Variants in ALDH1A2 observed in about 807,000 individuals in gnomAD.
ALDH1A2 encodes aldehyde dehydrogenase 1 family member A2.
A neutral mutation model predicts 60.3 loss-of-function variants in ALDH1A2; 27 were observed. The observed-to-expected ratio is 0.45, with a 90% CI of 0.33 to 0.62. ALDH1A2 has a LOEUF of 0.62. Ranked by LOEUF, ALDH1A2 falls within the 20% of genes least tolerant of loss-of-function variation. ALDH1A2 has a pLI of 0.02. For missense variants in ALDH1A2, 581 were observed against 643.8 expected (o/e 0.90, Z 1.06); for synonymous variants, 289 against 232.4 (o/e 1.24, Z -2.21).
chr15:58,034,243 G>A (rs891562675), intron 1 of ALDH1A2, among the ~76,000 whole-genome samples: 6 of 151,496 alleles, frequency 4.0e-5, no homozygotes, highest in African/African-American at 7.3e-5. Flanking sequence ...AAATGATACC[G>A]TGTTTTTAAT....
Position 58,014,266 on chromosome 15 carries a change from C to T in ALDH1A2, c.133G>A (p.Glu45Lys). ...CTCCCACTCTCTGAGTTCTGCCACT[C>T]GTTGTTTATAAAGATCTAAGGGAGT... ...IKYTKIFINN[E>K]WQNSESGRVF... The change falls in exon 2 of 13, where the codon GAG (glutamate) becomes AAG (lysine). Residue 45 changes from glutamate to lysine, a missense_variant. Glu to Lys is a moderately conservative substitution (Grantham distance 56). Around this residue, in one of 2 missense-constraint regions of ALDH1A2, gnomAD observed 206 missense variants for 174.1 expected, o/e 1.18. Coordinates refer to ENST00000249750, the MANE Select transcript of ALDH1A2 (RefSeq NM_003888.4). The T allele has an allele frequency of 1.2e-6, 2 of 1,613,844 alleles. No individual in the cohort carries two copies. The highest frequency in any genetic ancestry group is 1.1e-5 in the South Asian group (1 of 91,064).
intron 7 of ALDH1A2, among the ~76,000 whole-genome samples, chr15:57,967,536 G>T (rs894447943): frequency 6.6e-6 from 1 of 152,084 alleles, no homozygotes; most frequent in Non-Finnish European, 1.5e-5. Flanking sequence ...AAACACCGGG[G>T]AAACTCCAAC....
intron 1 of ALDH1A2, among the ~76,000 whole-genome samples, chr15:58,050,211 T>A (rs1896739953): frequency 1.3e-5 from 2 of 152,058 alleles, no homozygotes; most frequent in Non-Finnish European, 2.9e-5. Flanking sequence ...AAAAAAAGTC[T>A]TTCTACTGTG....
At chr15:58,059,998 T>G (rs148046371) in intron 1 of ALDH1A2, among the ~76,000 whole-genome samples, 1 of 152,160 alleles carries the variant, frequency 6.6e-6, no homozygotes, top group African/African-American at 2.4e-5. Context: ...TCTGAGCTTA[T>G]TGCAACCTCT....
chr15:58,010,992 C>T (rs560767710), intron 3 of ALDH1A2, among the ~76,000 whole-genome samples: 160 of 152,242 alleles, frequency 1.1e-3, no homozygotes, highest in Non-Finnish European at 1.8e-3. Context: ...TGTGCATATT[C>T]CTGTGCTTCC....
chr15:57,972,750 T>G (rs890182613), intron 7 of ALDH1A2, among the ~76,000 whole-genome samples: 2 of 152,204 alleles, frequency 1.3e-5, no homozygotes, highest in Non-Finnish European at 2.9e-5. Context: ...ATGAAACTGG[T>G]TTTTTCAATA....
At chr15:58,025,213 A>G (rs1182738335) in intron 1 of ALDH1A2, among the ~76,000 whole-genome samples, 2 of 152,188 alleles carry the variant, frequency 1.3e-5, no homozygotes, top group East Asian at 3.8e-4. Flanking sequence ...AACAGAGACT[A>G]AAAAGAATAC....
At chr15:58,041,915 C>A (rs11071364) in intron 1 of ALDH1A2, among the ~76,000 whole-genome samples, 1 of 151,668 alleles carries the variant, frequency 6.6e-6, no homozygotes, top group Non-Finnish European at 1.5e-5. Context: ...GAAGTGAACT[C>A]CAACACCATA....
chr15:58,037,236 T>C (rs1004997245), intron 1 of ALDH1A2, among the ~76,000 whole-genome samples: 18 of 151,374 alleles, frequency 1.2e-4, no homozygotes, highest in African/African-American at 4.4e-4. Flanking sequence ...GACAGAGTCA[T>C]AGAAAGAAGA....
At chr15:57,975,075 G>T (rs1308832779) in intron 7 of ALDH1A2, among the ~76,000 whole-genome samples, 2 of 152,212 alleles carry the variant, frequency 1.3e-5, no homozygotes, top group Non-Finnish European at 2.9e-5. Context: ...AAATGTTGGT[G>T]GGGATGTAAA....
At chr15:58,025,416 G>C (rs1054477061) in intron 1 of ALDH1A2, among the ~76,000 whole-genome samples, 17 of 152,154 alleles carry the variant, frequency 1.1e-4, no homozygotes, top group African/African-American at 4.1e-4. Context: ...ACCTAGGGGA[G>C]ATGGATACAT....
At chr15:57,977,419 A>G (rs1379593885) in intron 7 of ALDH1A2, among the ~76,000 whole-genome samples, 2 of 152,114 alleles carry the variant, frequency 1.3e-5, no homozygotes, top group Non-Finnish European at 2.9e-5. Context: ...TAATTTTTGT[A>G]TAAGGTGTAA....
intron 1 of ALDH1A2, chr15:58,058,031 G>T (rs1321317628): frequency 1.1e-5 from 17 of 1,517,684 alleles, no homozygotes; most frequent in Non-Finnish European, 1.4e-5. Flanking sequence ...TTTTATTGGG[G>T]ATTTTAACCA....
At chr15:58,008,641 T>G (rs1334775918) in intron 4 of ALDH1A2, among the ~76,000 whole-genome samples, 1 of 152,112 alleles carries the variant, frequency 6.6e-6, no homozygotes, top group Non-Finnish European at 1.5e-5. Context: ...GCTTTGTAAA[T>G]AGTTTGAAAA....
At chr15:58,053,758 A>G (rs1322666325) in intron 1 of ALDH1A2, among the ~76,000 whole-genome samples, 2 of 152,168 alleles carry the variant, frequency 1.3e-5, no homozygotes, top group Non-Finnish European at 2.9e-5. Context: ...TTTATGCTCA[A>G]TGTGCTGAAC....
In ALDH1A2 at chr15:58,043,304, T is replaced by C. The variant is rs1004108331; in HGVS notation, c.117+22230A>G. ...CTTCAGAAAGCTACTATCAATCTAA[T>C]GGAAGATGTCATTTGTTATTAAATC... On this transcript the variant is annotated intron_variant, in intron 1 of 12. Transcript: ENST00000249750. Among the ~76,000 whole-genome samples the C allele has an allele frequency of 3.3e-5, 5 of 152,034 alleles. No individual in the cohort carries two copies. The East Asian group carries it at 9.7e-4, about 29-fold the overall frequency.
chr15:57,962,509 T>G (rs541619657), intron 9 of ALDH1A2, among the ~76,000 whole-genome samples: 1 of 152,228 alleles, frequency 6.6e-6, no homozygotes, highest in Non-Finnish European at 1.5e-5. Flanking sequence ...GAAAATTGAC[T>G]TTTATAATTA....
At chr15:57,976,341 G>GT (rs1199501150) in intron 7 of ALDH1A2, among the ~76,000 whole-genome samples, 2 of 152,074 alleles carry the variant, frequency 1.3e-5, no homozygotes, top group African/African-American at 2.4e-5. Context: ...GAAAGTGGAG[G>GT]TTTTTTACAT....
At chr15:57,982,701 T>C (rs1894556617) in intron 7 of ALDH1A2, among the ~76,000 whole-genome samples, 1 of 152,254 alleles carries the variant, frequency 6.6e-6, no homozygotes, top group African/African-American at 2.4e-5. Context: ...CATAGTTTTG[T>C]AGATGGACAT....
Sources: allele counts gnomAD v4.1 joint callset (sites outside exome capture counted in the v4.1 genomes callset), GRCh38; gene constraint gnomAD v4.1.1; regional missense constraint gnomAD v4.1.1; transcripts MANE v1.5; gene names NCBI Gene and HGNC (gene_info 2026-07-23, HGNC 2026-07-21).